The following GJB7 variants were observed in gnomAD, a reference collection of about 807,000 sequenced individuals.
GJB7 encodes gap junction beta-7 protein.
For synonymous variants in GJB7, 87 were observed against 95.2 expected (o/e 0.91, Z 0.50); for missense variants, 253 against 256.8 (o/e 0.99, Z 0.10).
intron 1 of GJB7, among the ~76,000 whole-genome samples, chr6:87,325,391 T>C (rs1386597634): frequency 2.7e-5 from 4 of 145,952 alleles, no homozygotes; most frequent in Non-Finnish European, 4.5e-5. Flanking sequence ...CAGTATGATA[T>C]TGGCTGTGGG....
chr6:87,305,050 C>CA (rs1240780959), intron 2 of GJB7, among the ~76,000 whole-genome samples: 1 of 152,186 alleles, frequency 6.6e-6, no homozygotes, highest in African/African-American at 2.4e-5. Context: ...CTATTTCTGA[C>CA]AAACCCACAG....
At chr6:87,303,615 A>G (rs1776371556) in intron 2 of GJB7, among the ~76,000 whole-genome samples, 5 of 152,214 alleles carry the variant, frequency 3.3e-5, no homozygotes, top group Admixed American at 3.3e-4. Context: ...ACACAGATCA[A>G]TGAGACAGAA....
At position 87,301,700 on chromosome 6, in the gene GJB7, G is replaced by A. The variant is rs1776330117; in HGVS notation, c.-27-16761C>T. ...AGAGAGTAATCGTTCTCCCAGCACAGTTTGAGATCTGAGAACGGACAGACT... is the reference window on the plus strand; with the variant it reads ...AGAGAGTAATCGTTCTCCCAGCACAATTTGAGATCTGAGAACGGACAGACT... On this transcript the variant is annotated intron_variant, in intron 2 of 2. Transcript: ENST00000525899. 2.0e-5 allele frequency among the ~76,000 whole-genome samples: 3 copies of A among 152,208 alleles called. No individual in the cohort carries two copies. In the South Asian group the frequency reaches 6.2e-4, roughly 32 times the overall value.
At chr6:87,296,615 C>T (rs917886717) in intron 2 of GJB7, among the ~76,000 whole-genome samples, 1 of 152,126 alleles carries the variant, frequency 6.6e-6, no homozygotes, top group Admixed American at 6.5e-5. Flanking sequence ...AATGTTAGTT[C>T]AATTTAAGGT....
chr6:87,305,645 A>C (rs1338834617), intron 2 of GJB7, among the ~76,000 whole-genome samples: 1 of 152,218 alleles, frequency 6.6e-6, no homozygotes, highest in Admixed American at 6.5e-5. Context: ...CAAGCTGCCA[A>C]TGACATTCTT....
chr6:87,294,891 A>G (rs1776227964), intron 2 of GJB7, among the ~76,000 whole-genome samples: 1 of 152,210 alleles, frequency 6.6e-6, no homozygotes, highest in Non-Finnish European at 1.5e-5. Flanking sequence ...AGTTCAAACA[A>G]ACTGGGCTTG....
At chr6:87,315,700 G>T (rs1776569021) in intron 2 of GJB7, among the ~76,000 whole-genome samples, 1 of 150,952 alleles carries the variant, frequency 6.6e-6, no homozygotes, top group Non-Finnish European at 1.5e-5. Context: ...GGAGGCTGAG[G>T]CATGAGAATC....
intron 2 of GJB7, among the ~76,000 whole-genome samples, chr6:87,301,301 G>A (rs1005291468): frequency 9.9e-5 from 15 of 152,132 alleles, no homozygotes; most frequent in African/African-American, 3.1e-4. Context: ...TGTGACAGAC[G>A]GCACCTGGAA....
chr6:87,327,499 C>T (rs1374553275), intron 1 of GJB7, among the ~76,000 whole-genome samples: 1 of 150,630 alleles, frequency 6.6e-6, no homozygotes, highest in African/African-American at 2.4e-5. Context: ...TATTTTATTT[C>T]TCCTTCACTT....
intron 2 of GJB7, among the ~76,000 whole-genome samples, chr6:87,309,999 G>T (rs1052381677): frequency 2.6e-5 from 4 of 152,192 alleles, no homozygotes; most frequent in Admixed American, 6.5e-5. Context: ...CATGCAACAG[G>T]CTGGTTTCCT....
In GJB7 at chr6:87,283,669, G is replaced by A. The variant is rs1181527150; in HGVS notation, c.*572C>T. 7 of 152,892 alleles carry A rather than the reference G, an allele frequency of 4.6e-5. No individual in the cohort carries two copies. The highest frequency in any genetic ancestry group is 2.6e-4 in the Admixed American group (4 of 15,344). 9.5% of individuals were successfully genotyped at this position (152,892 alleles called of 1,614,324 possible). The stretch of plus-strand genomic sequence containing the variant: ...GTTTTTCCCTGCAGAGATTGAGTAG[G>A]ACAGGGAGTGGGGCCTTGGCTGCCA... On this transcript the variant is annotated 3_prime_UTR_variant, in exon 3 of 3. Coordinates refer to ENST00000525899, the MANE Select transcript of GJB7 (RefSeq NM_198568.3).
chr6:87,308,281 C>T (rs1287637466), intron 2 of GJB7, among the ~76,000 whole-genome samples: 3 of 152,056 alleles, frequency 2.0e-5, no homozygotes, highest in Non-Finnish European at 4.4e-5. Context: ...ATGTAAATGA[C>T]AAGTTAATGG....
chr6:87,299,258 C>T, intron 2 of GJB7: 1 of 468,014 alleles, frequency 2.1e-6, no homozygotes, highest in Non-Finnish European at 4.4e-6. Flanking sequence ...GGAGAAATTG[C>T]TCAGGTTGCT....
chr6:87,286,808 G>A (rs970412321), intron 2 of GJB7, among the ~76,000 whole-genome samples: 1 of 152,298 alleles, frequency 6.6e-6, no homozygotes, highest in East Asian at 1.9e-4. Flanking sequence ...TATGATGGTG[G>A]TGGTTTTATT....
intron 2 of GJB7, among the ~76,000 whole-genome samples, chr6:87,312,760 A>T (rs1315345784): frequency 2.0e-5 from 3 of 152,208 alleles, no homozygotes; most frequent in African/African-American, 7.2e-5. Flanking sequence ...GGGAAATGGC[A>T]GAACACTCTT....
Position 87,284,878 on chromosome 6 carries a change from CCACT to C in GJB7, c.31_34del (p.Ser11GlufsTer2). Reference sequence around the variant, plus strand: ...AGTCCCAGTGGAGTATTTATTTACTCCACTCAGGAGATCTCTGAGGAACATCCAA... The same window carrying C: ...AGTCCCAGTGGAGTATTTATTTACTCCAGGAGATCTCTGAGGAACATCCAA... On this transcript the variant is annotated frameshift_variant, in exon 3 of 3. Transcript: ENST00000525899. LOFTEE classifies it low-confidence loss of function (END_TRUNC). 1 of 1,609,842 alleles carries C rather than the reference CCACT, an allele frequency of 6.2e-7. No homozygotes were observed. The highest frequency in any genetic ancestry group is 8.5e-7 in the Non-Finnish European group (1 of 1,179,800).
intron 2 of GJB7, among the ~76,000 whole-genome samples, chr6:87,315,179 C>T (rs1019628999): frequency 6.6e-6 from 1 of 152,158 alleles, no homozygotes; most frequent in African/African-American, 2.4e-5. Context: ...CCGCCGACCC[C>T]TTGTGTGAAG....
chr6:87,284,384 T>C lies in GJB7; in HGVS notation c.529A>G (p.Thr177Ala). The part of the protein sequence containing the change: ...DCFISKPTEK[T>A]IFILFLVITS... The stretch of plus-strand genomic sequence containing the variant: ...ATGACCAAGAAGAGGATGAAGATCG[T>C]CTTCTCAGTGGGTTTGGAGATGAAG... The change falls in exon 3 of 3, where the codon ACG becomes GCG. Residue 177 changes from threonine to alanine, a missense_variant. By Grantham distance (58) the Thr-to-Ala change is moderately conservative. Transcript: ENST00000525899. 6.2e-7 allele frequency: 1 copy of C among 1,614,166 alleles called. No homozygotes were observed. The highest frequency in any genetic ancestry group is 8.5e-7 in the Non-Finnish European group (1 of 1,180,020).
chr6:87,296,023 G>A (rs1184671262), intron 2 of GJB7, among the ~76,000 whole-genome samples: 1 of 152,182 alleles, frequency 6.6e-6, no homozygotes, highest in Non-Finnish European at 1.5e-5. Context: ...GTCAACAAAT[G>A]AAAAGCCATA....
Sources: gnomAD v4.1 joint callset for allele counts (sites outside exome capture counted in the v4.1 genomes callset) on GRCh38, gnomAD v4.1.1 for gene constraint, MANE v1.5 for transcripts, NCBI Gene and HGNC (gene_info 2026-07-23, HGNC 2026-07-21) for gene names.